Variants in INPP4B observed in about 807,000 individuals in gnomAD.
INPP4B encodes inositol polyphosphate-4-phosphatase type II B.
Under a neutral mutation model 122.5 loss-of-function variants are expected in INPP4B, and 55 were observed. The ratio of observed to expected loss-of-function variants is 0.45; its 90% CI spans 0.36 to 0.56. INPP4B has a LOEUF of 0.56. Among genes scored for constraint, INPP4B ranks in the 20% least tolerant of loss-of-function variants. The pLI is 0.00. For synonymous variants in INPP4B, 403 were observed against 388.7 expected (o/e 1.04, Z -0.43); for missense variants, 1,000 against 1,097.7 (o/e 0.91, Z 1.26).
chr4:142,302,116 A>G lies in INPP4B; in HGVS notation c.503+3342T>C, dbSNP rs1285325814. Among the ~76,000 whole-genome samples the G allele has an allele frequency of 3.9e-5, 6 of 152,160 alleles. No homozygotes were observed. The East Asian group carries it at 1.2e-3, about 29-fold the overall frequency. On this transcript the variant is annotated intron_variant, in intron 9 of 25. Transcript: ENST00000262992. ...ACCAGATCGAGATCAGGATAGAGTCAGGGTTCTGGGATAAGAACACGTTCC... is the reference window on the plus strand; with the variant it reads ...ACCAGATCGAGATCAGGATAGAGTCGGGGTTCTGGGATAAGAACACGTTCC...
chr4:142,621,863 T>C (rs1012115407), intron 2 of INPP4B, among the ~76,000 whole-genome samples: 1 of 151,942 alleles, frequency 6.6e-6, no homozygotes. Context: ...CACATGATTA[T>C]TCTCAATGCT....
At chr4:142,132,190 A>C (rs2152793396) in intron 18 of INPP4B, among the ~76,000 whole-genome samples, 1 of 152,274 alleles carries the variant, frequency 6.6e-6, no homozygotes, top group East Asian at 1.9e-4. Context: ...TAGCATCACA[A>C]GTTTGTGCCT....
At chr4:142,454,436 A>T (rs1412383172) in intron 3 of INPP4B, among the ~76,000 whole-genome samples, 1 of 152,112 alleles carries the variant, frequency 6.6e-6, no homozygotes, top group Non-Finnish European at 1.5e-5. Flanking sequence ...TTCCCACTTC[A>T]TGAACTATTC....
chr4:142,507,954 C>G (rs950740481), intron 2 of INPP4B, among the ~76,000 whole-genome samples: 1 of 152,148 alleles, frequency 6.6e-6, no homozygotes, highest in African/African-American at 2.4e-5. Context: ...AAATTTCAGA[C>G]AGGTTTTTAC....
At chr4:142,311,395 A>G (rs1765457069) in intron 8 of INPP4B, among the ~76,000 whole-genome samples, 1 of 152,056 alleles carries the variant, frequency 6.6e-6, no homozygotes, top group South Asian at 2.1e-4. Flanking sequence ...AATTTGTTAG[A>G]TTTTCTACTG....
At chr4:142,675,347 G>A (rs1757595502) in intron 2 of INPP4B, among the ~76,000 whole-genome samples, 1 of 152,036 alleles carries the variant, frequency 6.6e-6, no homozygotes, top group Admixed American at 6.6e-5. Context: ...TGAAATTGAG[G>A]CAGTAATTAA....
chr4:142,194,161 TAA>T (rs1156614377), intron 14 of INPP4B, among the ~76,000 whole-genome samples: 4 of 151,952 alleles, frequency 2.6e-5, no homozygotes, highest in Admixed American at 1.3e-4. Context: ...TTTCTTTCAA[TAA>T]AAAAAGTCTT....
At chr4:142,181,094 T>A (rs2152976816) in intron 15 of INPP4B, among the ~76,000 whole-genome samples, 1 of 152,270 alleles carries the variant, frequency 6.6e-6, no homozygotes, top group South Asian at 2.1e-4. Flanking sequence ...AGGGAAAAAC[T>A]ATTTTGTCTG....
At chr4:142,283,200 A>G (rs1207722707) in intron 9 of INPP4B, among the ~76,000 whole-genome samples, 3 of 152,080 alleles carry the variant, frequency 2.0e-5, no homozygotes, top group Admixed American at 1.3e-4. Flanking sequence ...CAGAGACTAC[A>G]TGGATTTTTC....
intron 7 of INPP4B, among the ~76,000 whole-genome samples, chr4:142,395,672 T>C (rs75168249): frequency 0.031 from 4,713 of 152,224 alleles, 251 homozygotes; most frequent in African/African-American, 0.11. Context: ...TTCATCAGTA[T>C]ATGAGTGGAT....
intron 11 of INPP4B, among the ~76,000 whole-genome samples, chr4:142,250,019 G>A (rs777605025): frequency 1.3e-5 from 2 of 152,178 alleles, no homozygotes; most frequent in Non-Finnish European, 2.9e-5. Flanking sequence ...TTAATTTTAT[G>A]AGTTATATTG....
intron 3 of INPP4B, among the ~76,000 whole-genome samples, chr4:142,459,447 G>C (rs1472007328): frequency 6.6e-6 from 1 of 152,016 alleles, no homozygotes; most frequent in Non-Finnish European, 1.5e-5. Context: ...GTGAAACGAA[G>C]AAGAAAGGAA....
chr4:142,046,512 G>GGAAA (rs1358467000), intron 25 of INPP4B, among the ~76,000 whole-genome samples: 1 of 151,916 alleles, frequency 6.6e-6, no homozygotes, highest in Non-Finnish European at 1.5e-5. Context: ...CTCAGGAGAA[G>GGAAA]GAAAGAACAG....
intron 20 of INPP4B, among the ~76,000 whole-genome samples, chr4:142,122,565 C>T (rs1797000340): frequency 2.0e-5 from 3 of 151,992 alleles, no homozygotes; most frequent in Non-Finnish European, 4.4e-5. Context: ...TATCTGTTGT[C>T]TAGAAATAAC....
intron 2 of INPP4B, among the ~76,000 whole-genome samples, chr4:142,628,557 TAAAAAAAAAAAAA>T (rs35955830): frequency 1.0e-5 from 1 of 99,924 alleles, no homozygotes; most frequent in Admixed American, 1.1e-4. Context: ...AAACTTAAAG[TAAAAAAAAAAAAA>T]AAAAAAAAAA....
chr4:142,120,014 A>G (rs1172480840), intron 21 of INPP4B, among the ~76,000 whole-genome samples: 1 of 151,800 alleles, frequency 6.6e-6, no homozygotes, highest in African/African-American at 2.4e-5. Context: ...TCTATAATCT[A>G]TTGTGAGCTA....
intron 3 of INPP4B, among the ~76,000 whole-genome samples, chr4:142,454,974 C>T (rs901905442): frequency 7.2e-5 from 11 of 151,832 alleles, no homozygotes; most frequent in Non-Finnish European, 1.5e-4. Flanking sequence ...CTTAATACAA[C>T]GAAGTTTTCA....
At position 142,365,285 on chromosome 4, in the gene INPP4B, C is replaced by A. The variant is rs546560882; in HGVS notation, c.372+37653G>T. Among the ~76,000 whole-genome samples, 3 of 152,216 alleles carry A rather than the reference C, an allele frequency of 2.0e-5. No individual in the cohort carries two copies. In the South Asian group the frequency reaches 6.2e-4, roughly 32 times the overall value. ...AAAATAAAAGCATTTCATGTTTGAT[C>A]CCCACTGAGCTAAGCCTTCTCAATA... is the stretch of plus-strand genomic sequence containing the variant. On this transcript the variant is annotated intron_variant, in intron 7 of 25. Transcript: ENST00000262992.
chr4:142,257,921 C>A (rs1579486622), intron 11 of INPP4B, among the ~76,000 whole-genome samples: 2 of 152,312 alleles, frequency 1.3e-5, no homozygotes, highest in East Asian at 3.9e-4. Flanking sequence ...AAGAACAAAG[C>A]TGGAGACATC....
Sources: allele counts gnomAD v4.1 joint callset (sites outside exome capture counted in the v4.1 genomes callset), GRCh38; gene constraint gnomAD v4.1.1; transcripts MANE v1.5; gene names NCBI Gene and HGNC (gene_info 2026-07-23, HGNC 2026-07-21).